OCA2: variants seen among roughly 807,000 people sequenced by gnomAD.
The protein encoded by OCA2 is OCA2 melanosomal transmembrane protein.
OCA2 carries 77 observed loss-of-function variants against 100.2 expected under a neutral mutation model. The observed-to-expected ratio is 0.77, with a 90% CI of 0.64 to 0.93. The LOEUF is 0.93. Among genes scored for constraint, OCA2 ranks in the 40% least tolerant of loss-of-function variants. The pLI is 0.00. For synonymous variants in OCA2, 432 were observed against 439.2 expected (o/e 0.98, Z 0.21); for missense variants, 1,062 against 1,089.1 (o/e 0.98, Z 0.35).
At chr15:27,998,021 T>C (rs1446428792) in intron 9 of OCA2, among the ~76,000 whole-genome samples, 3 of 142,824 alleles carry the variant, frequency 2.1e-5, no homozygotes, top group Non-Finnish European at 3.1e-5. Context: ...TTTTTGTACA[T>C]TGATTTTGTA....
At chr15:27,747,935 G>A in the OCA2 span, among the ~76,000 whole-genome samples, 1 of 152,160 alleles carries the variant, frequency 6.6e-6, no homozygotes, top group African/African-American at 2.4e-5. Flanking sequence ...GATGAGGAGG[G>A]TGAACTGGTT....
chr15:27,889,564 C>T (rs2037371235), intron 19 of OCA2, among the ~76,000 whole-genome samples: 1 of 152,228 alleles, frequency 6.6e-6, no homozygotes, highest in Admixed American at 6.5e-5. Context: ...TTCTCCTTCA[C>T]ACTTCTGAGT....
intron 18 of OCA2, among the ~76,000 whole-genome samples, chr15:27,949,964 C>T (rs2039977528): frequency 6.6e-6 from 1 of 151,988 alleles, no homozygotes; most frequent in African/African-American, 2.4e-5. Context: ...GATTTAAAAG[C>T]AGAAAATAAA....
chr15:27,833,528 G>A (rs1297615283), intron 23 of OCA2, among the ~76,000 whole-genome samples: 1 of 152,118 alleles, frequency 6.6e-6, no homozygotes, highest in Non-Finnish European at 1.5e-5. Flanking sequence ...TCGCTTTAAG[G>A]CTTTTTAAGT....
At chr15:27,821,134 G>C (rs1437904177) in intron 23 of OCA2, among the ~76,000 whole-genome samples, 1 of 152,042 alleles carries the variant, frequency 6.6e-6, no homozygotes, top group African/African-American at 2.4e-5. Context: ...CCTTTCAGAG[G>C]CTATGATTTC....
chr15:27,939,952 A>G (rs540425485), intron 18 of OCA2, among the ~76,000 whole-genome samples: 1 of 152,354 alleles, frequency 6.6e-6, no homozygotes, highest in East Asian at 1.9e-4. Context: ...CACTGACTGC[A>G]CAACTGCAGT....
chr15:27,910,177 G>A (rs563300332), intron 19 of OCA2, among the ~76,000 whole-genome samples: 2 of 152,222 alleles, frequency 1.3e-5, no homozygotes, highest in Middle Eastern at 3.4e-3. Context: ...TCATAAAACT[G>A]ACAAAATGAA....
At chr15:27,897,015 C>G (rs1415460765) in intron 19 of OCA2, among the ~76,000 whole-genome samples, 1 of 151,956 alleles carries the variant, frequency 6.6e-6, no homozygotes, top group Non-Finnish European at 1.5e-5. Context: ...ACAGTGAAAC[C>G]CTGTCTCTAC....
At chr15:28,067,070 C>A (rs2044046016) in intron 2 of OCA2, among the ~76,000 whole-genome samples, 1 of 152,170 alleles carries the variant, frequency 6.6e-6, no homozygotes, top group Admixed American at 6.5e-5. Context: ...CAAGCTGTAA[C>A]CTCGGACCTC....
intron 23 of OCA2, among the ~76,000 whole-genome samples, chr15:27,781,885 A>G (rs1054369244): frequency 6.6e-6 from 1 of 152,204 alleles, no homozygotes; most frequent in African/African-American, 2.4e-5. Context: ...CACACAGGAG[A>G]CTGAGGTCTG....
chr15:28,027,828 C>T (rs754932469), intron 4 of OCA2, 43 bp downstream of exon 4: 3 of 1,598,930 alleles, frequency 1.9e-6, no homozygotes, highest in East Asian at 2.2e-5. Flanking sequence ...ACGCGATGTG[C>T]GGCCACCGCT....
chr15:27,829,287 A>AGAT (rs1234399855), intron 23 of OCA2, among the ~76,000 whole-genome samples: 2 of 82,610 alleles, frequency 2.4e-5, no homozygotes, highest in Non-Finnish European at 4.0e-5. Context: ...GATGATAGAT[A>AGAT]GATAGATAGA....
chr15:27,851,839 C>A (rs1312918536), intron 21 of OCA2, among the ~76,000 whole-genome samples: 1 of 152,134 alleles, frequency 6.6e-6, no homozygotes, highest in African/African-American at 2.4e-5. Flanking sequence ...CATCTTGAAT[C>A]CTCAACATCC....
chr15:27,870,788 A>AAAAGAAAG (rs148699055), intron 21 of OCA2, among the ~76,000 whole-genome samples: 10 of 126,624 alleles, frequency 7.9e-5, no homozygotes, highest in African/African-American at 3.7e-4. Flanking sequence ...GAAAGAAAGA[A>AAAAGAAAG]AAAGAAAGAA....
intron 19 of OCA2, among the ~76,000 whole-genome samples, chr15:27,892,991 A>C (rs921781723): frequency 6.6e-6 from 1 of 152,196 alleles, no homozygotes; most frequent in Non-Finnish European, 1.5e-5. Flanking sequence ...AAAAAACACA[A>C]AGTATGAAAA....
At chr15:27,945,557 T>C (rs1427091214) in intron 18 of OCA2, among the ~76,000 whole-genome samples, 1 of 152,194 alleles carries the variant, frequency 6.6e-6, no homozygotes, top group African/African-American at 2.4e-5. Context: ...CCCAGTGTCC[T>C]TGGAGCCTGT....
intron 9 of OCA2, among the ~76,000 whole-genome samples, chr15:28,000,107 A>G (rs1352433637): frequency 6.6e-6 from 1 of 152,220 alleles, no homozygotes; most frequent in African/African-American, 2.4e-5. Flanking sequence ...TAGAAATAGA[A>G]AAAAATTCTA....
intron 14 of OCA2, among the ~76,000 whole-genome samples, chr15:27,978,642 G>A (rs1421127394): frequency 6.6e-6 from 1 of 151,534 alleles, no homozygotes; most frequent in Non-Finnish European, 1.5e-5. Flanking sequence ...TTTAACTTGT[G>A]TCTATATGTA....
At chr15:27,990,670 A>C in intron 9 of OCA2, 23 bp from the exon 10 acceptor site, 1 of 1,609,936 alleles carries the variant, frequency 6.2e-7, no homozygotes, top group Middle Eastern at 1.7e-4. Flanking sequence ...ACAGGAAATT[A>C]CCGCGTTCCA....
Sources: allele counts gnomAD v4.1 joint callset (sites outside exome capture counted in the v4.1 genomes callset), GRCh38; gene constraint gnomAD v4.1.1; transcripts MANE v1.5; gene names NCBI Gene and HGNC (gene_info 2026-07-23, HGNC 2026-07-21).